The following AP1G1 variants were observed in gnomAD, a reference collection of about 807,000 sequenced individuals.
AP1G1 encodes the protein adaptor related protein complex 1 subunit gamma 1.
AP1G1 carries 7 observed loss-of-function variants against 108.3 expected under a neutral mutation model. The ratio of observed to expected loss-of-function variants is 0.06; its 90% CI spans 0.04 to 0.12. The LOEUF is 0.12. AP1G1 is among the 10% of genes least tolerant of loss of function. The pLI, the probability that AP1G1 is intolerant of heterozygous loss-of-function variation, is 1.00. For synonymous variants in AP1G1, 379 were observed against 353.5 expected, an observed-to-expected ratio of 1.07 and a Z score of -0.81; for missense variants, 756 against 1,010.7, an observed-to-expected ratio of 0.75 and a Z score of 3.42.
In AP1G1 at chr16:71,729,214, G is replaced by A. The variant is rs1311093345; in HGVS notation, c.*3844C>T. ...TGCAATAATTAGAGCTTCATTAGCT[G>A]TCCCACTTGGAAACAGCTTTTTAAT... On this transcript the variant is annotated 3_prime_UTR_variant, in exon 23 of 23. Transcript: ENST00000299980. 2.0e-5 allele frequency: 3 copies of A among 151,696 alleles called. No individual in the cohort carries two copies. Among genetic ancestry groups the A allele is most frequent in the African/African-American group, 7.3e-5 (3 of 41,098 alleles). 9.4% of individuals were successfully genotyped at this position (151,696 alleles called of 1,614,324 possible). A position where few individuals can be genotyped will look rare whatever the true frequency, so the allele number is the denominator to read the frequency against.
At chr16:71,734,028 G>A (rs1382375364) in intron 22 of AP1G1, among the ~76,000 whole-genome samples, 1 of 152,182 alleles carries the variant, frequency 6.6e-6, no homozygotes, top group Admixed American at 6.5e-5. Context: ...AATAGCAGAG[G>A]AAAGGCAAGT....
At chr16:71,760,768 C>T (rs142744962) in intron 10 of AP1G1, among the ~76,000 whole-genome samples, 15 of 152,096 alleles carry the variant, frequency 9.9e-5, no homozygotes, top group Admixed American at 5.2e-4. Flanking sequence ...AGGCTGGTCT[C>T]GAACTCCTGG....
chr16:71,759,177 G>A (rs1388871326), intron 10 of AP1G1, among the ~76,000 whole-genome samples: 2 of 152,192 alleles, frequency 1.3e-5, no homozygotes, highest in African/African-American at 4.8e-5. Flanking sequence ...TCTAAAAGTA[G>A]GCCGGGCATG....
At chr16:71,764,591 T>C (rs1205206941) in intron 8 of AP1G1, 55 bp downstream of exon 8, 3 of 1,403,248 alleles carry the variant, frequency 2.1e-6, no homozygotes, top group Non-Finnish European at 2.9e-6. Flanking sequence ...CCATAATCAT[T>C]CTACTCCCAG....
intron 6 of AP1G1, chr16:71,767,914 A>G (rs752381739): frequency 1.3e-6 from 2 of 1,598,326 alleles, no homozygotes; most frequent in South Asian, 2.2e-5. Context: ...CCAAACAGAC[A>G]ACAGGAACAA....
At chr16:71,788,251 T>C (rs780876127) in intron 2 of AP1G1, among the ~76,000 whole-genome samples, 40 of 152,176 alleles carry the variant, frequency 2.6e-4, no homozygotes, top group Non-Finnish European at 7.3e-5. Flanking sequence ...TTTCTTTCAG[T>C]TGGGCAGTCT....
At chr16:71,737,098 C>T (rs1391337433) in intron 21 of AP1G1, among the ~76,000 whole-genome samples, 7 of 152,146 alleles carry the variant, frequency 4.6e-5, no homozygotes, top group Non-Finnish European at 1.5e-5. Context: ...ATTCAAAAAA[C>T]TTATTTATTC....
chr16:71,734,483 C>G, intron 22 of AP1G1, 126 bp downstream of exon 22: 1 of 752,582 alleles, frequency 1.3e-6, no homozygotes, highest in Non-Finnish European at 2.3e-6. Flanking sequence ...GAAGTTAGAC[C>G]AGGCATTTTC....
chr16:71,801,447 T>C (rs976394410), intron 1 of AP1G1, among the ~76,000 whole-genome samples: 1 of 152,112 alleles, frequency 6.6e-6, no homozygotes, highest in Non-Finnish European at 1.5e-5. Context: ...TAACTAAGCA[T>C]TGAGAGAAAT....
intron 2 of AP1G1, among the ~76,000 whole-genome samples, chr16:71,778,175 G>A (rs2031862095): frequency 6.6e-6 from 1 of 152,152 alleles, no homozygotes; most frequent in Non-Finnish European, 1.5e-5. Context: ...ATTTAAAGGG[G>A]CAAGCATTAT....
chr16:71,757,862 A>G (rs1370649436), intron 11 of AP1G1, among the ~76,000 whole-genome samples: 1 of 152,212 alleles, frequency 6.6e-6, no homozygotes, highest in Non-Finnish European at 1.5e-5. Flanking sequence ...TGCCCCTTAC[A>G]AGGATTAAGG....
intron 17 of AP1G1, among the ~76,000 whole-genome samples, chr16:71,745,985 ATTAT>A (rs1294677271): frequency 6.6e-6 from 1 of 152,132 alleles, no homozygotes; most frequent in Non-Finnish European, 1.5e-5. Context: ...TTTGAATGAG[ATTAT>A]TTGTCTTGAA....
intron 1 of AP1G1, among the ~76,000 whole-genome samples, chr16:71,802,004 T>A (rs537515963): frequency 1.3e-4 from 20 of 150,980 alleles, no homozygotes; most frequent in African/African-American, 4.9e-4. Context: ...GATGTACAAG[T>A]GGTGTAACGC....
rs1567637398 is a variant in AP1G1 at position 71,733,108 on chromosome 16, T to C, written c.2419A>G (p.Met807Val). ...TTGTTCACCTCTGCTAGATCTTGCATTGCTGAGCCCTTGTGATTATATGTA... is the reference window on the plus strand; with the variant it reads ...TTGTTCACCTCTGCTAGATCTTGCACTGCTGAGCCCTTGTGATTATATGTA... ...KLTYNHKGSA[M>V]QDLAEVNNFP... The change falls in exon 23 of 23, where the codon ATG (methionine) becomes GTG (valine). Residue 807 changes from methionine (M) to valine (V), a missense_variant. Coordinates refer to ENST00000299980, the MANE Select transcript of AP1G1 (RefSeq NM_001128.6). The C allele has an allele frequency of 8.7e-6, 14 of 1,614,176 alleles. No homozygotes were observed. Among genetic ancestry groups the C allele is most frequent in the East Asian group, 2.2e-5 (1 of 44,878 alleles).
intron 1 of AP1G1, chr16:71,808,497 G>T: frequency 7.9e-7 from 1 of 1,269,612 alleles, no homozygotes; most frequent in South Asian, 1.3e-5. Context: ...GTTCAAGGAG[G>T]CCCGTACCGG....
At chr16:71,765,750 T>A in intron 6 of AP1G1, 166 bp from the exon 7 acceptor site, 1 of 579,524 alleles carries the variant, frequency 1.7e-6, no homozygotes. Flanking sequence ...TAGGAGTAAC[T>A]TAGGGCAATA....
chr16:71,750,622 G>C, intron 13 of AP1G1: 1 of 289,962 alleles, frequency 3.4e-6, no homozygotes, highest in East Asian at 8.2e-5. Context: ...CACCATGTTG[G>C]TCAGGGTGGT....
rs527340139 is a variant in AP1G1, at chr16:71,733,557, G to A, written c.2368-398C>T. 2.0e-3 allele frequency among the ~76,000 whole-genome samples: 28 copies of A among 13,868 alleles called. 1 individual carries two copies. Among genetic ancestry groups the A allele is most frequent in the African/African-American group, 7.3e-3 (26 of 3,586 alleles). The allele number at this position is 13,868 out of a possible 152,430, so 9.1% of individuals were successfully genotyped here. On this transcript the variant is annotated intron_variant, in intron 22 of 22. Transcript: ENST00000299980. Reference sequence around the variant, plus strand: ...ATATTTTTATTTTTAGTAGAGACGGGGTTTCACCATGTTGGCCAGGCTGGT... The same window carrying A: ...ATATTTTTATTTTTAGTAGAGACGGAGTTTCACCATGTTGGCCAGGCTGGT...
chr16:71,787,793 G>T (rs181386885), intron 2 of AP1G1, among the ~76,000 whole-genome samples: 3 of 152,052 alleles, frequency 2.0e-5, no homozygotes, highest in Admixed American at 1.3e-4. Flanking sequence ...AGAGCCTCAG[G>T]GTTTCATTCC....
Sources: gnomAD v4.1 joint callset for allele counts (sites outside exome capture counted in the v4.1 genomes callset) on GRCh38, gnomAD v4.1.1 for gene constraint, MANE v1.5 for transcripts, NCBI Gene and HGNC (gene_info 2026-07-23, HGNC 2026-07-21) for gene names.